PAK5: variants seen among roughly 807,000 people sequenced by gnomAD.
The protein encoded by PAK5 is serine/threonine-protein kinase PAK 5.
In PAK5, 16 loss-of-function variants were observed where a neutral mutation model predicts 65.9. The ratio of observed to expected loss-of-function variants is 0.24; its 90% CI spans 0.16 to 0.37. The LOEUF is 0.37. Among genes scored for constraint, PAK5 ranks in the 10% least tolerant of loss-of-function variants. The pLI is 1.00. For missense variants in PAK5, 785 were observed against 903.9 expected (o/e 0.87, Z 1.69); for synonymous variants, 371 against 354.9 (o/e 1.05, Z -0.51).
At chr20:9,620,803 T>C (rs952369776) in intron 3 of PAK5, among the ~76,000 whole-genome samples, 1 of 152,120 alleles carries the variant, frequency 6.6e-6, no homozygotes, top group Non-Finnish European at 1.5e-5. Context: ...ACAGTCTGCC[T>C]GCATGACGCC....
At chr20:9,557,993 C>A (rs1280778900) in intron 6 of PAK5, among the ~76,000 whole-genome samples, 1 of 149,778 alleles carries the variant, frequency 6.7e-6, no homozygotes, top group Non-Finnish European at 1.5e-5. Context: ...CATGCAAATG[C>A]ACTTCCAGGA....
intron 3 of PAK5, among the ~76,000 whole-genome samples, chr20:9,608,877 A>G (rs1972025114): frequency 6.6e-6 from 1 of 152,194 alleles, no homozygotes; most frequent in African/African-American, 2.4e-5. Context: ...TCCTTCATCT[A>G]TCTGATGCAG....
At chr20:9,617,431 G>A (rs1480249779) in intron 3 of PAK5, among the ~76,000 whole-genome samples, 1 of 151,464 alleles carries the variant, frequency 6.6e-6, no homozygotes, top group Non-Finnish European at 1.5e-5. Flanking sequence ...GTTGGTTAAT[G>A]TAATGACATT....
chr20:9,584,676 CT>C (rs1407920664), intron 3 of PAK5, among the ~76,000 whole-genome samples: 1 of 152,214 alleles, frequency 6.6e-6, no homozygotes, highest in African/African-American at 2.4e-5. Context: ...GTTCTGCTTC[CT>C]TCTATGGATT....
At chr20:9,625,052 TACCACTACC>T (rs2046824146) in intron 3 of PAK5, among the ~76,000 whole-genome samples, 1 of 152,118 alleles carries the variant, frequency 6.6e-6, no homozygotes, top group Non-Finnish European at 1.5e-5. Context: ...GTATTATTAC[TACCACTACC>T]ACCACTGCCA....
At chr20:9,564,784 G>GA (rs2045647061) in intron 5 of PAK5, among the ~76,000 whole-genome samples, 1 of 152,018 alleles carries the variant, frequency 6.6e-6, no homozygotes, top group South Asian at 2.1e-4. Flanking sequence ...GTATAAATCA[G>GA]AAACTGGTTT....
intron 2 of PAK5, among the ~76,000 whole-genome samples, chr20:9,673,070 T>C (rs2047522577): frequency 6.6e-6 from 1 of 152,142 alleles, no homozygotes; most frequent in East Asian, 1.9e-4. Context: ...AAAAATAACA[T>C]GGGCAAGAGA....
At chr20:9,808,356 A>G (rs778169455) in intron 1 of PAK5, among the ~76,000 whole-genome samples, 1 of 152,180 alleles carries the variant, frequency 6.6e-6, no homozygotes, top group Non-Finnish European at 1.5e-5. Flanking sequence ...CCGTTCCTCA[A>G]CTGAGTTACC....
chr20:9,564,271 T>C (rs1247066239), intron 5 of PAK5, among the ~76,000 whole-genome samples: 2 of 152,224 alleles, frequency 1.3e-5, no homozygotes, highest in East Asian at 1.9e-4. Context: ...TCTTAAGTGA[T>C]AAGTTTAAAA....
chr20:9,772,712 G>A (rs909483879), intron 1 of PAK5, among the ~76,000 whole-genome samples: 11 of 152,200 alleles, frequency 7.2e-5, no homozygotes, highest in African/African-American at 1.9e-4. Flanking sequence ...TTACATTTGC[G>A]AAATAATGAA....
In PAK5 at chr20:9,580,844, G is replaced by A; in HGVS notation, c.291C>T (p.Ser97=). Residue 97 remains serine, a synonymous_variant, in exon 4 of 10, where the codon TCC becomes TCT. Transcript: ENST00000353224. The part of the protein sequence containing the change: ...EDFDNISVTR[S]NSLRKESPPT... ...GTGGGCTTTCTTTCCTTAGGGAGTT[G>A]GAGCGAGTCACCGAGATGTTGTCAA... is the stretch of plus-strand genomic sequence containing the variant. 2 of 1,613,682 alleles carry A rather than the reference G, an allele frequency of 1.2e-6. No homozygotes were observed. Among genetic ancestry groups the A allele is most frequent in the Non-Finnish European group, 1.7e-6 (2 of 1,179,874 alleles).
At chr20:9,745,907 T>G (rs1385159624) in intron 1 of PAK5, among the ~76,000 whole-genome samples, 1 of 151,964 alleles carries the variant, frequency 6.6e-6, no homozygotes, top group Non-Finnish European at 1.5e-5. Flanking sequence ...TCCAGTTTGG[T>G]GGAATATATA....
chr20:9,706,919 C>A (rs1268423991), intron 2 of PAK5, among the ~76,000 whole-genome samples: 1 of 152,078 alleles, frequency 6.6e-6, no homozygotes, highest in Non-Finnish European at 1.5e-5. Flanking sequence ...TTCATCTTCC[C>A]ATTTGTCTGT....
intron 2 of PAK5, among the ~76,000 whole-genome samples, chr20:9,690,982 T>C (rs1372616870): frequency 6.6e-6 from 1 of 151,964 alleles, no homozygotes; most frequent in Non-Finnish European, 1.5e-5. Context: ...CTTGAACTCC[T>C]GACCTCAGGT....
intron 1 of PAK5, among the ~76,000 whole-genome samples, chr20:9,817,844 C>A (rs2049375944): frequency 6.6e-6 from 1 of 152,136 alleles, no homozygotes; most frequent in Admixed American, 6.5e-5. Flanking sequence ...CCAAAGCTAT[C>A]AATTCTCAGT....
intron 1 of PAK5, among the ~76,000 whole-genome samples, chr20:9,815,676 T>C (rs538279307): frequency 1.3e-5 from 2 of 152,326 alleles, no homozygotes; most frequent in South Asian, 2.1e-4. Flanking sequence ...GTCTTTCTAA[T>C]GATTAGTGGT....
chr20:9,606,877 A>G (rs2046464895), intron 3 of PAK5, among the ~76,000 whole-genome samples: 1 of 152,202 alleles, frequency 6.6e-6, no homozygotes, highest in Non-Finnish European at 1.5e-5. Flanking sequence ...GTTTTCAAGC[A>G]TTGTAGGACC....
At chr20:9,622,910 TTCTCTC>T (rs2046791769) in intron 3 of PAK5, among the ~76,000 whole-genome samples, 1 of 152,182 alleles carries the variant, frequency 6.6e-6, no homozygotes, top group Non-Finnish European at 1.5e-5. Context: ...CTCTCTCTGT[TTCTCTC>T]TCTCTTTATT....
intron 2 of PAK5, among the ~76,000 whole-genome samples, chr20:9,706,709 T>C (rs1320665991): frequency 6.6e-6 from 1 of 151,870 alleles, no homozygotes; most frequent in East Asian, 1.9e-4. Flanking sequence ...GGTTTCGCCA[T>C]GTTGCCCAGG....
Sources: allele counts gnomAD v4.1 joint callset (sites outside exome capture counted in the v4.1 genomes callset), GRCh38; gene constraint gnomAD v4.1.1; transcripts MANE v1.5; gene names NCBI Gene and HGNC (gene_info 2026-07-23, HGNC 2026-07-21).